The following TCERG1L variants were observed in gnomAD, a reference collection of about 807,000 sequenced individuals.
TCERG1L encodes the protein transcription elongation regulator 1-like protein.
In TCERG1L, 37 loss-of-function variants were observed where a neutral mutation model predicts 56.3. The observed-to-expected ratio is 0.66, with a 90% CI of 0.51 to 0.87. The LOEUF is 0.87. Ranked by LOEUF, TCERG1L falls within the 40% of genes least tolerant of loss-of-function variation. The probability of loss-of-function intolerance (pLI) is 0.00; values close to 1 mark genes in which losing one functional copy is unlikely to be tolerated. For missense variants in TCERG1L, 799 were observed against 774.2 expected, an observed-to-expected ratio of 1.03 and a Z score of -0.38; for synonymous variants, 324 against 326.3, an observed-to-expected ratio of 0.99 and a Z score of 0.08.
intron 4 of TCERG1L, among the ~76,000 whole-genome samples, chr10:131,253,600 T>C (rs548273487): frequency 2.0e-5 from 3 of 152,166 alleles, no homozygotes; most frequent in Non-Finnish European, 4.4e-5. Flanking sequence ...TGCTGAACGC[T>C]TCCTGACTGT....
chr10:131,096,891 A>G (rs916861913), intron 11 of TCERG1L, among the ~76,000 whole-genome samples: 118 of 152,020 alleles, frequency 7.8e-4, no homozygotes, highest in Non-Finnish European at 1.4e-3. Flanking sequence ...CTCAAAAAAA[A>G]AAAAAAAGAA....
chr10:131,303,836 C>T lies in TCERG1L; in HGVS notation c.670+4375G>A, dbSNP rs575580519. Among the ~76,000 whole-genome samples the T allele has an allele frequency of 6.8e-4, 104 of 152,124 alleles. 1 individual carries two copies. Among genetic ancestry groups the T allele is most frequent in the African/African-American group, 2.4e-3 (100 of 41,440 alleles). On this transcript the variant is annotated intron_variant, in intron 3 of 11. Transcript: ENST00000368642. ...CTTTTCACATTGGCCAACTCTCTTTCGAGTTTATCTTTTACTGCTTTTCTA... is the reference window on the plus strand; with the variant it reads ...CTTTTCACATTGGCCAACTCTCTTTTGAGTTTATCTTTTACTGCTTTTCTA...
At chr10:131,147,058 G>A (rs763633742) in intron 6 of TCERG1L, among the ~76,000 whole-genome samples, 8 of 151,712 alleles carry the variant, frequency 5.3e-5, no homozygotes, top group African/African-American at 1.5e-4. Context: ...TTCGGAGAGC[G>A]GCTCCCTACA....
rs551459730 is a variant in TCERG1L at position 131,242,350 on chromosome 10, T to C, written c.856+17909A>G. 4.6e-5 allele frequency among the ~76,000 whole-genome samples: 7 copies of C among 152,188 alleles called. No individual in the cohort carries two copies. The East Asian group carries it at 1.4e-3, about 30-fold the overall frequency. On this transcript the variant is annotated intron_variant, in intron 4 of 11. Transcript: ENST00000368642. ...AGTACAGTGAAGAATGTGAAAAACA[T>C]CTTGGCAATGTGTAAGAGAAAGAAA... is the stretch of plus-strand genomic sequence containing the variant.
At chr10:131,141,405 C>A (rs1845737616) in intron 7 of TCERG1L, among the ~76,000 whole-genome samples, 1 of 152,094 alleles carries the variant, frequency 6.6e-6, no homozygotes, top group South Asian at 2.1e-4. Context: ...GGAGAAGCCC[C>A]TGGCTGCTGC....
chr10:131,119,112 C>T (rs1210136774), intron 8 of TCERG1L, among the ~76,000 whole-genome samples: 1 of 152,132 alleles, frequency 6.6e-6, no homozygotes, highest in African/African-American at 2.4e-5. Context: ...TGGCCAGACC[C>T]GGCCGTCCAG....
At chr10:131,141,764 C>T (rs1845741323) in intron 7 of TCERG1L, among the ~76,000 whole-genome samples, 1 of 152,100 alleles carries the variant, frequency 6.6e-6, no homozygotes, top group Non-Finnish European at 1.5e-5. Context: ...CCGAAAAACG[C>T]TATTCTAGCA....
At chr10:131,273,616 G>T (rs1044067058) in intron 3 of TCERG1L, among the ~76,000 whole-genome samples, 8 of 152,214 alleles carry the variant, frequency 5.3e-5, no homozygotes, top group South Asian at 2.1e-4. Context: ...GCTGACCGAG[G>T]CTCCCTCATT....
intron 4 of TCERG1L, among the ~76,000 whole-genome samples, chr10:131,213,120 C>A (rs1367426324): frequency 1.3e-5 from 2 of 152,234 alleles, no homozygotes; most frequent in Non-Finnish European, 2.9e-5. Context: ...GTTGGCCACC[C>A]AGGGCTGAGG....
chr10:131,116,321 G>A (rs573155045), intron 9 of TCERG1L, among the ~76,000 whole-genome samples: 2 of 152,188 alleles, frequency 1.3e-5, no homozygotes, highest in Non-Finnish European at 2.9e-5. Flanking sequence ...TAACCCCATG[G>A]GGAAGCTAAA....
intron 4 of TCERG1L, among the ~76,000 whole-genome samples, chr10:131,168,697 C>A (rs987765564): frequency 1.3e-5 from 2 of 152,178 alleles, no homozygotes; most frequent in African/African-American, 4.8e-5. Flanking sequence ...GCAGGCTCTC[C>A]CCAGGGCTGG....
chr10:131,301,936 A>G (rs1270927612), intron 3 of TCERG1L, among the ~76,000 whole-genome samples: 2 of 152,128 alleles, frequency 1.3e-5, no homozygotes, highest in Admixed American at 6.5e-5. Flanking sequence ...ACCTGAGCTT[A>G]AAACAAAAAT....
At chr10:131,200,046 G>A (rs944499315) in intron 4 of TCERG1L, among the ~76,000 whole-genome samples, 8 of 151,946 alleles carry the variant, frequency 5.3e-5, no homozygotes, top group Non-Finnish European at 1.0e-4. Flanking sequence ...TACTTTTCCC[G>A]ACAGCTCTCC....
At chr10:131,199,000 G>A (rs1383453549) in intron 4 of TCERG1L, among the ~76,000 whole-genome samples, 1 of 152,208 alleles carries the variant, frequency 6.6e-6, no homozygotes, top group Non-Finnish European at 1.5e-5. Flanking sequence ...GTCAGAATGA[G>A]GGGAATGGAA....
At chr10:131,169,523 A>G (rs952130304) in intron 4 of TCERG1L, among the ~76,000 whole-genome samples, 4 of 152,174 alleles carry the variant, frequency 2.6e-5, no homozygotes, top group African/African-American at 9.7e-5. Flanking sequence ...TCTGAGACCT[A>G]TTTTTTGACT....
intron 8 of TCERG1L, 82 bp downstream of exon 8, chr10:131,134,297 G>T: frequency 8.0e-7 from 1 of 1,248,024 alleles, no homozygotes; most frequent in South Asian, 1.3e-5. Context: ...TAGTCAATGT[G>T]GTCAAAATGA....
At chr10:131,230,100 T>C (rs1349001236) in intron 4 of TCERG1L, among the ~76,000 whole-genome samples, 1 of 152,110 alleles carries the variant, frequency 6.6e-6, no homozygotes, top group Non-Finnish European at 1.5e-5. Flanking sequence ...CATGACACAA[T>C]TTTCCCCTGC....
rs1335334603 is a variant in TCERG1L at position 131,311,662 on chromosome 10, G to A, written c.-27C>T. 13 of 1,082,332 alleles carry A rather than the reference G, an allele frequency of 1.2e-5. No homozygotes were observed. Among genetic ancestry groups the A allele is most frequent in the Non-Finnish European group, 1.5e-5 (13 of 889,284 alleles). The allele number at this position is 1,082,332 out of a possible 1,614,324, so 67.0% of individuals were successfully genotyped here. A position where few individuals can be genotyped will look rare whatever the true frequency, so the allele number is the denominator to read the frequency against. On this transcript the variant is annotated 5_prime_UTR_variant, in exon 1 of 12. Transcript: ENST00000368642. This position sits in a 1 kb window ranked among gnomAD's most constrained non-coding sequence, Gnocchi z 4.0. ...CTACATCCCCGCGCTGACGGCGGCG[G>A]CGGGGGCGGCGGGCGCCCGAGATGC...
chr10:131,177,720 C>T (rs889885557), intron 4 of TCERG1L, among the ~76,000 whole-genome samples: 5 of 152,070 alleles, frequency 3.3e-5, no homozygotes, highest in African/African-American at 9.7e-5. Context: ...CTTCCGAGTC[C>T]GGCACAGAGC....
Sources: gnomAD v4.1 joint callset for allele counts (sites outside exome capture counted in the v4.1 genomes callset) on GRCh38, gnomAD v4.1.1 for gene constraint, Gnocchi (gnomAD v3.1) non-coding constraint, MANE v1.5 for transcripts, NCBI Gene and HGNC (gene_info 2026-07-23, HGNC 2026-07-21) for gene names.